ACADM: variants seen among roughly 807,000 people sequenced by gnomAD.
ACADM encodes the protein medium-chain specific acyl-CoA dehydrogenase, mitochondrial.
In ACADM, 49 loss-of-function variants were observed where a neutral mutation model predicts 58.9. The ratio of observed to expected loss-of-function variants is 0.83; its 90% CI spans 0.66 to 1.06. ACADM has a LOEUF of 1.06. ACADM is among the 50% of genes least tolerant of loss of function. ACADM has a pLI of 0.00. For synonymous variants in ACADM, 160 were observed against 157.7 expected, an observed-to-expected ratio of 1.01 and a Z score of -0.11; for missense variants, 496 against 507.0, an observed-to-expected ratio of 0.98 and a Z score of 0.21.
chr1:75,734,598 C>T, intron 5 of ACADM, 193 bp from the exon 6 acceptor site: 1 of 567,848 alleles, frequency 1.8e-6, no homozygotes, highest in Non-Finnish European at 3.1e-6. Flanking sequence ...CTACATATAA[C>T]CTAATTTTAT....
At chr1:75,760,017 A>G (rs1648737971) in intron 10 of ACADM, among the ~76,000 whole-genome samples, 1 of 151,712 alleles carries the variant, frequency 6.6e-6, no homozygotes, top group African/African-American at 2.4e-5. Context: ...CACACCTGTA[A>G]TCCTAGCATT....
chr1:75,728,109 A>G (rs1256975269), intron 1 of ACADM, among the ~76,000 whole-genome samples: 1 of 152,180 alleles, frequency 6.6e-6, no homozygotes, highest in East Asian at 1.9e-4. Context: ...TAGTGGTCCT[A>G]CATCTACTAC....
chr1:75,735,240 C>T lies in ACADM; in HGVS notation c.468+369C>T, dbSNP rs556309784. ...CTGAGGCATAAGAATCGCTTGAACC[C>T]GAAAAGTGGAAGATGCAGTGAGCAG... On this transcript the variant is annotated intron_variant, in intron 6 of 11. Transcript: ENST00000370841. 4.1e-5 allele frequency among the ~76,000 whole-genome samples: 6 copies of T among 146,268 alleles called. No individual in the cohort carries two copies. The South Asian group carries it at 1.1e-3, about 27-fold the overall frequency.
intron 4 of ACADM, 23 bp downstream of exon 4, chr1:75,732,945 A>G (rs1401669439): frequency 6.2e-7 from 1 of 1,612,954 alleles, no homozygotes; most frequent in East Asian, 2.2e-5. Flanking sequence ...TATATTTTTA[A>G]TACTGGAATG....
intron 10 of ACADM, among the ~76,000 whole-genome samples, chr1:75,758,431 T>C (rs939614640): frequency 6.6e-6 from 1 of 152,148 alleles, no homozygotes; most frequent in Non-Finnish European, 1.5e-5. Context: ...TGAGGGAAGA[T>C]GCATATGGCT....
rs768884003 is a variant in ACADM at position 75,749,467 on chromosome 1, G to A, written c.757G>A (p.Glu253Lys). 12 of 1,613,908 alleles carry A rather than the reference G, an allele frequency of 7.4e-6. 1 individual carries two copies. In the Admixed American group the frequency reaches 1.2e-4, roughly 16 times the overall value. ...TTCAGATACTAGAGGAATTGTCTTC[G>A]AAGATGTGAAAGTGCCTAAAGAAAA... ...RCSDTRGIVFEDVKVPKENVL... is the reference protein window; with the variant it reads ...RCSDTRGIVFKDVKVPKENVL... Residue 253 changes from glutamate (E) to lysine (K), a missense_variant, in exon 9 of 12, where the codon GAA (glutamate) becomes AAA (lysine). Glu to Lys is a moderately conservative substitution (Grantham distance 56). Coordinates refer to ENST00000370841, the MANE Select transcript of ACADM (RefSeq NM_000016.6).
Position 75,763,504 on chromosome 1 carries a change from T to C in ACADM, c.*741T>C, listed in dbSNP as rs949210564. ...TGTTCAGTGCTTATTATCATATCTTTCTGTATTTTTTCCAGGAAATTTCAT... is the reference window on the plus strand; with the variant it reads ...TGTTCAGTGCTTATTATCATATCTTCCTGTATTTTTTCCAGGAAATTTCAT... On this transcript the variant is annotated 3_prime_UTR_variant, in exon 12 of 12. Coordinates refer to ENST00000370841, the MANE Select transcript of ACADM (RefSeq NM_000016.6). The C allele has an allele frequency of 6.6e-6, 1 of 152,192 alleles. No homozygotes were observed. Among genetic ancestry groups the C allele is most frequent in the Non-Finnish European group, 1.5e-5 (1 of 68,024 alleles). The allele number at this position is 152,192 out of a possible 1,614,324, so 9.4% of individuals were successfully genotyped here. A position where few individuals can be genotyped will look rare whatever the true frequency, so the allele number is the denominator to read the frequency against.
At position 75,762,792 on chromosome 1, in the gene ACADM, T is replaced by A. The variant is rs748990128; in HGVS notation, c.*29T>A. On this transcript the variant is annotated 3_prime_UTR_variant, in exon 12 of 12. Transcript: ENST00000370841. ...AATTACTGTAGAAATATTGAATAAC[T>A]AGAACACAAGCCACTGTTTCAGCTC... 13 of 1,369,302 alleles carry A rather than the reference T, an allele frequency of 9.5e-6. No homozygotes were observed. In the East Asian group the frequency reaches 1.2e-4, roughly 12 times the overall value. 84.8% of individuals were successfully genotyped at this position (1,369,302 alleles called of 1,614,324 possible).
intron 8 of ACADM, among the ~76,000 whole-genome samples, chr1:75,746,652 G>A (rs1647921114): frequency 6.8e-6 from 1 of 147,962 alleles, no homozygotes; most frequent in Admixed American, 6.8e-5. Context: ...AGGCTGGAGT[G>A]CAGTGGCAGG....
At chr1:75,730,684 A>AT (rs1288740482) in intron 2 of ACADM, among the ~76,000 whole-genome samples, 1 of 151,802 alleles carries the variant, frequency 6.6e-6, no homozygotes, top group Non-Finnish European at 1.5e-5. Flanking sequence ...CACCTAGCTG[A>AT]TTTTTTAAAT....
chr1:75,759,718 A>G (rs1288222731), intron 10 of ACADM, among the ~76,000 whole-genome samples: 4 of 142,534 alleles, frequency 2.8e-5, no homozygotes, highest in African/African-American at 7.9e-5. Flanking sequence ...CTGGAGTGCA[A>G]TGGTGTGATC....
In ACADM at chr1:75,743,801, C is replaced by T. The variant is rs1299111620; in HGVS notation, c.600-2005C>T. On this transcript the variant is annotated intron_variant, in intron 7 of 11. Transcript: ENST00000370841. ...TTCCTGATGACTGGAACCACCAGAC[C>T]CTGTGGGGTGGCCACTGCAACACTG... 3.9e-6 allele frequency: 6 copies of T among 1,521,114 alleles called. No homozygotes were observed. The African/African-American group carries it at 6.8e-5, about 17-fold the overall frequency. 94.2% of individuals were successfully genotyped at this position (1,521,114 alleles called of 1,614,324 possible).
chr1:75,725,879 T>C (rs1481748045), intron 1 of ACADM, among the ~76,000 whole-genome samples: 1 of 152,224 alleles, frequency 6.6e-6, no homozygotes, highest in African/African-American at 2.4e-5. Context: ...TAAACCTGTC[T>C]ACGGCCACAA....
chr1:75,725,869 T>C (rs984814706), intron 1 of ACADM, among the ~76,000 whole-genome samples: 2 of 152,212 alleles, frequency 1.3e-5, no homozygotes, highest in Non-Finnish European at 2.9e-5. Flanking sequence ...AAGCAGTTTG[T>C]AAACCTGTCT....
intron 10 of ACADM, 37 bp downstream of exon 10, chr1:75,750,583 G>GAC (rs1648146381): frequency 7.6e-7 from 1 of 1,309,138 alleles, no homozygotes; most frequent in Admixed American, 1.8e-5. Flanking sequence ...CAAATGTAAA[G>GAC]ACACTCATTT....
intron 9 of ACADM, 102 bp downstream of exon 9, chr1:75,749,661 A>C: frequency 9.3e-7 from 1 of 1,074,734 alleles, no homozygotes; most frequent in Non-Finnish European, 1.3e-6. Context: ...TCTCTTTTTA[A>C]TATCTGCTTA....
chr1:75,757,261 G>C lies in ACADM; in HGVS notation c.946-3861G>C, dbSNP rs141088956. 7.5e-3 allele frequency among the ~76,000 whole-genome samples: 1,141 copies of C among 152,244 alleles called. 10 individuals carry two copies. The highest frequency in any genetic ancestry group is 0.026 in the African/African-American group (1,091 of 41,524). On this transcript the variant is annotated intron_variant, in intron 10 of 11. Transcript: ENST00000370841. ...CACAGCAAAAGAAACTACCATCAGAGTGAACAGGCAACCTACAGAATGGGA... is the reference window on the plus strand; with the variant it reads ...CACAGCAAAAGAAACTACCATCAGACTGAACAGGCAACCTACAGAATGGGA...
chr1:75,733,501 ATG>A (rs1384557038), intron 4 of ACADM, 25 bp from the exon 5 acceptor site: 1 of 1,557,826 alleles, frequency 6.4e-7, no homozygotes, highest in African/African-American at 1.4e-5. Flanking sequence ...ACATATTACA[ATG>A]TGTTGAAACA....
chr1:75,753,575 AC>A (rs1648323753), intron 10 of ACADM, among the ~76,000 whole-genome samples: 1 of 151,952 alleles, frequency 6.6e-6, no homozygotes, highest in African/African-American at 2.4e-5. Flanking sequence ...GGTCCTCCTT[AC>A]CCAAGTATCT....
Sources: allele counts gnomAD v4.1 joint callset (sites outside exome capture counted in the v4.1 genomes callset), GRCh38; gene constraint gnomAD v4.1.1; transcripts MANE v1.5; gene names NCBI Gene and HGNC (gene_info 2026-07-23, HGNC 2026-07-21).